Variants in EXD3 observed in about 807,000 individuals in gnomAD.
The protein encoded by EXD3 is exonuclease 3'-5' domain containing 3, also known as exonuclease mut-7 homolog.
Under a neutral mutation model 98.0 loss-of-function variants are expected in EXD3, and 92 were observed. The observed-to-expected ratio is 0.94, with a 90% CI of 0.79 to 1.12. The LOEUF is 1.12. EXD3 is among the 50% of genes most tolerant of loss of function. EXD3 has a pLI of 0.00. For synonymous variants in EXD3, 569 were observed against 526.0 expected, an observed-to-expected ratio of 1.08 and a Z score of -1.12; for missense variants, 1,222 against 1,191.6, an observed-to-expected ratio of 1.03 and a Z score of -0.38.
intron 19 of EXD3, 95 bp downstream of exon 19, chr9:137,323,630 C>T (rs1188233005): frequency 6.7e-6 from 10 of 1,499,524 alleles, no homozygotes; most frequent in Non-Finnish European, 9.0e-6. Context: ...CACCCCAGAC[C>T]CACCACTGTC....
chr9:137,403,148 C>A lies in EXD3; in HGVS notation c.-47-7744G>T, dbSNP rs2131799040. Among the ~76,000 whole-genome samples the A allele has an allele frequency of 6.6e-6, 1 of 152,062 alleles. No individual in the cohort carries two copies. The highest frequency in any genetic ancestry group is 2.0e-4 in the East Asian group (1 of 5,128). Reference sequence around the variant, plus strand: ...TTTCCTGCAGGATCCCCGGCGCTGACCCCTCTCCCCTCCATGGCAGTGTGG... The same window carrying A: ...TTTCCTGCAGGATCCCCGGCGCTGAACCCTCTCCCCTCCATGGCAGTGTGG... On this transcript the variant is annotated intron_variant, in intron 1 of 21. Transcript: ENST00000340951. The surrounding 1 kb of genome is among the most constrained non-coding windows in gnomAD (Gnocchi z 6.1).
intron 19 of EXD3, among the ~76,000 whole-genome samples, chr9:137,316,391 C>A (rs1445698244): frequency 6.6e-6 from 1 of 152,062 alleles, no homozygotes; most frequent in Non-Finnish European, 1.5e-5. Context: ...CACCCTCCTT[C>A]CCAGGGGCCG....
intron 17 of EXD3, among the ~76,000 whole-genome samples, chr9:137,338,786 G>A (rs979076975): frequency 4.6e-5 from 7 of 150,910 alleles, no homozygotes; most frequent in African/African-American, 9.7e-5. Flanking sequence ...CCAGCTACTC[G>A]GGAGGCTGAG....
intron 17 of EXD3, among the ~76,000 whole-genome samples, chr9:137,346,359 G>A (rs75046225): frequency 0.016 from 2,402 of 149,458 alleles, 61 homozygotes; most frequent in African/African-American, 0.053. Flanking sequence ...TAAACAAATC[G>A]AGGGTTCAGG....
rs1387711249 is a variant in EXD3, at chr9:137,359,922, G to A, written c.657-3554C>T. Among the ~76,000 whole-genome samples, 6 of 86,218 alleles carry A rather than the reference G, an allele frequency of 7.0e-5. 1 individual carries two copies. The highest frequency in any genetic ancestry group is 4.1e-4 in the Admixed American group (3 of 7,230). The allele number at this position is 86,218 out of a possible 152,430, so 56.6% of individuals were successfully genotyped here. A position where few individuals can be genotyped will look rare whatever the true frequency, so the allele number is the denominator to read the frequency against. On this transcript the variant is annotated intron_variant, in intron 7 of 21. Coordinates refer to ENST00000340951, the MANE Select transcript of EXD3 (RefSeq NM_017820.5). ...TCTCGGGCATATGCTAAGTGGACTC[G>A]GACAACATATGTCATAGGGTTGGCA...
At chr9:137,313,144 T>C (rs947270686) in intron 19 of EXD3, among the ~76,000 whole-genome samples, 1 of 151,820 alleles carries the variant, frequency 6.6e-6, no homozygotes, top group African/African-American at 2.4e-5. Context: ...AGTCGGAGGC[T>C]TGAGGGAAAG....
intron 17 of EXD3, among the ~76,000 whole-genome samples, chr9:137,328,581 GCTACACGGGA>G (rs1370011653): frequency 0.25 from 26,002 of 103,034 alleles, 5,055 homozygotes; most frequent in East Asian, 0.36. Context: ...TTACACAGGA[GCTACACGGGA>G]CTACACGGGA....
rs539202918 is a variant in EXD3 at position 137,364,801 on chromosome 9, C to A, written c.656+1692G>T. ...TTTTTTTTTTTGAGACTGAGTCTCGCTCTGTCGCCCAGGCTGCAGTGCAGT... is the reference window on the plus strand; with the variant it reads ...TTTTTTTTTTTGAGACTGAGTCTCGATCTGTCGCCCAGGCTGCAGTGCAGT... On this transcript the variant is annotated intron_variant, in intron 7 of 21. Coordinates refer to ENST00000340951, the MANE Select transcript of EXD3 (RefSeq NM_017820.5). Among the ~76,000 whole-genome samples, 10 of 145,356 alleles carry A rather than the reference C, an allele frequency of 6.9e-5. 1 individual carries two copies. In the Admixed American group the frequency reaches 7.0e-4, roughly 10 times the overall value.
Position 137,359,249 on chromosome 9 carries a change from G to A in EXD3, c.657-2881C>T, listed in dbSNP as rs1294896869. On this transcript the variant is annotated intron_variant, in intron 7 of 21. Coordinates refer to ENST00000340951, the MANE Select transcript of EXD3 (RefSeq NM_017820.5). ...CTCCCAAAGTGCTGGGATTACAGGC[G>A]TGAGCCACCGTGCCCGGCCAAGGCC... is the stretch of plus-strand genomic sequence containing the variant. Among the ~76,000 whole-genome samples the A allele has an allele frequency of 5.3e-4, 44 of 83,298 alleles. 17 individuals are homozygous for A. The highest frequency in any genetic ancestry group is 3.6e-3 in the Admixed American group (25 of 7,042). The allele number at this position is 83,298 out of a possible 152,430, so 54.6% of individuals were successfully genotyped here.
chr9:137,363,335 CTTTT>C (rs71387828), intron 7 of EXD3, among the ~76,000 whole-genome samples: 11 of 81,152 alleles, frequency 1.4e-4, no homozygotes, highest in Non-Finnish European at 2.2e-4. Flanking sequence ...GTGCAATTTC[CTTTT>C]TTTTTTTTTT....
In EXD3 at chr9:137,372,941, G is replaced by A. The variant is rs371685558; in HGVS notation, c.426C>T (p.His142=). Residue 142 remains histidine (H), a synonymous_variant, in exon 5 of 22, where the codon CAC becomes CAT. Transcript: ENST00000340951. ...QDADRSCLLA[H]VHRLHHEGRF... ...TGCCCTCGTGGTGGAGGCGGTGGAC[G>A]TGTGCCAGCAGGCAGCTCCTGTCTG... 5.7e-5 allele frequency: 92 copies of A among 1,601,350 alleles called. No homozygotes were observed. The African/African-American group carries it at 6.7e-4, about 12-fold the overall frequency.
rs1455890868 is a variant in EXD3 at position 137,405,624 on chromosome 9, A to G, written c.-47-10220T>C. ...AGGCACAGCTCCCACTCTGTAAGGCAGCAGAAGCCACCATTTCTCTCTATT... is the reference window on the plus strand; with the variant it reads ...AGGCACAGCTCCCACTCTGTAAGGCGGCAGAAGCCACCATTTCTCTCTATT... On this transcript the variant is annotated intron_variant, in intron 1 of 21. Coordinates refer to ENST00000340951, the MANE Select transcript of EXD3 (RefSeq NM_017820.5). This position sits in a 1 kb window ranked among gnomAD's most constrained non-coding sequence, Gnocchi z 4.1. 1.3e-5 allele frequency among the ~76,000 whole-genome samples: 2 copies of G among 152,264 alleles called. No individual in the cohort carries two copies. The highest frequency in any genetic ancestry group is 2.9e-5 in the Non-Finnish European group (2 of 68,042).
intron 3 of EXD3, among the ~76,000 whole-genome samples, chr9:137,382,093 G>A (rs1410998342): frequency 9.2e-6 from 1 of 109,084 alleles, no homozygotes; most frequent in South Asian, 2.6e-4. Context: ...AGGTCAGGGC[G>A]GCGGTGGAGG....
In EXD3 at chr9:137,419,154, A is replaced by G. The variant is rs141380043; in HGVS notation, c.-48+3960T>C. On this transcript the variant is annotated intron_variant, in intron 1 of 21. Coordinates refer to ENST00000340951, the MANE Select transcript of EXD3 (RefSeq NM_017820.5). ...AAATGTGGAATGCTGTTGGAGTTAT[A>G]TTGGTATAAATGTATTATTAACATA... Among the ~76,000 whole-genome samples the G allele has an allele frequency of 2.5e-3, 374 of 152,334 alleles. 3 individuals are homozygous for G. Among genetic ancestry groups the G allele is most frequent in the South Asian group, 6.2e-3 (30 of 4,824 alleles).
At chr9:137,378,346 C>G (rs115230658) in intron 3 of EXD3, among the ~76,000 whole-genome samples, 3,311 of 151,730 alleles carry the variant, frequency 0.022, 115 homozygotes, top group African/African-American at 0.074. Flanking sequence ...ATAGCAGGGA[C>G]TACAGGTGCA....
At chr9:137,416,627 G>T (rs1406110977) in intron 1 of EXD3, among the ~76,000 whole-genome samples, 2 of 152,194 alleles carry the variant, frequency 1.3e-5, no homozygotes, top group Non-Finnish European at 2.9e-5. Flanking sequence ...TGGGCAACCC[G>T]GCTCAGAGCA....
At position 137,395,996 on chromosome 9, in the gene EXD3, C is replaced by G. The variant is rs986110066; in HGVS notation, c.-47-592G>C. Among the ~76,000 whole-genome samples the G allele has an allele frequency of 1.4e-5, 2 of 144,296 alleles. No individual in the cohort carries two copies. The highest frequency in any genetic ancestry group is 3.0e-5 in the Non-Finnish European group (2 of 66,832). The allele number at this position is 144,296 out of a possible 152,430, so 94.7% of individuals were successfully genotyped here. A position where few individuals can be genotyped will look rare whatever the true frequency, so the allele number is the denominator to read the frequency against. On this transcript the variant is annotated intron_variant, in intron 1 of 21. Coordinates refer to ENST00000340951, the MANE Select transcript of EXD3 (RefSeq NM_017820.5). This position sits in a 1 kb window ranked among gnomAD's most constrained non-coding sequence, Gnocchi z 6.5. The stretch of plus-strand genomic sequence containing the variant: ...TTTTTTTTTTTTTTGGAGACAGAGT[C>G]TCTCTGCAATGCCCAGGCTGGAGTG...
At chr9:137,313,961 A>C (rs1480544269) in intron 19 of EXD3, among the ~76,000 whole-genome samples, 1 of 152,152 alleles carries the variant, frequency 6.6e-6, no homozygotes, top group Non-Finnish European at 1.5e-5. Flanking sequence ...CACATCGGGA[A>C]GAGGGATGCT....
chr9:137,410,863 G>A (rs1837964054), intron 1 of EXD3, among the ~76,000 whole-genome samples: 1 of 152,158 alleles, frequency 6.6e-6, no homozygotes, highest in South Asian at 2.1e-4. Flanking sequence ...TGAGGTCCAA[G>A]GCTCTGCAGG....
Sources: allele counts gnomAD v4.1 joint callset (sites outside exome capture counted in the v4.1 genomes callset), GRCh38; gene constraint gnomAD v4.1.1; non-coding constraint Gnocchi (gnomAD v3.1); transcripts MANE v1.5; gene names NCBI Gene and HGNC (gene_info 2026-07-23, HGNC 2026-07-21).